PRRG4: variants seen among roughly 807,000 people sequenced by gnomAD.
PRRG4 encodes the protein proline rich and Gla domain 4.
In PRRG4, 12 loss-of-function variants were observed where a neutral mutation model predicts 20.0. That is an observed-to-expected ratio of 0.60 (90% CI 0.38 to 0.97). The LOEUF is 0.97. PRRG4 is among the 50% of genes least tolerant of loss of function. The pLI is 0.00. For missense variants in PRRG4, 199 were observed against 265.1 expected (o/e 0.75, Z 1.73); for synonymous variants, 94 against 96.4 (o/e 0.98, Z 0.15).
chr11:32,855,060 G>A lies in PRRG4; in HGVS notation c.*1533G>A, dbSNP rs1184921698. Reference sequence around the variant, plus strand: ...TTCATAAGTAATAGTTTGAGAATGTGGAAAAAGTAATTTGCTTTTCTGCTC... The same window carrying A: ...TTCATAAGTAATAGTTTGAGAATGTAGAAAAAGTAATTTGCTTTTCTGCTC... On this transcript the variant is annotated 3_prime_UTR_variant, in exon 6 of 6. Transcript: ENST00000257836. The A allele has an allele frequency of 2.0e-5, 3 of 152,190 alleles. No homozygotes were observed. The East Asian group carries it at 5.8e-4, about 29-fold the overall frequency. The allele number at this position is 152,190 out of a possible 1,614,324, so 9.4% of individuals were successfully genotyped here.
intron 4 of PRRG4, among the ~76,000 whole-genome samples, chr11:32,839,400 G>A (rs1269562903): frequency 2.0e-5 from 3 of 151,378 alleles, no homozygotes; most frequent in South Asian, 4.2e-4. Flanking sequence ...TGTTTTTTTC[G>A]CCAGCTATTC....
intron 5 of PRRG4, among the ~76,000 whole-genome samples, chr11:32,850,842 G>T (rs940384772): frequency 2.6e-5 from 4 of 152,194 alleles, no homozygotes; most frequent in Non-Finnish European, 2.9e-5. Flanking sequence ...GGCCGAAACA[G>T]GTGGATCACC....
intron 5 of PRRG4, among the ~76,000 whole-genome samples, chr11:32,851,247 T>C (rs1851180614): frequency 1.3e-5 from 2 of 152,228 alleles, no homozygotes. Flanking sequence ...AAGCACTGTG[T>C]AGATATTTAA....
In PRRG4 at chr11:32,855,230, G is replaced by A. The variant is rs1002925076; in HGVS notation, c.*1703G>A. On this transcript the variant is annotated 3_prime_UTR_variant, in exon 6 of 6. Transcript: ENST00000257836. Reference sequence around the variant, plus strand: ...GTATAACCAGTTTTTCCTTAAGAATGTAGCAGCATATAAGCTATAAATTTC... The same window carrying A: ...GTATAACCAGTTTTTCCTTAAGAATATAGCAGCATATAAGCTATAAATTTC... 1 of 152,104 alleles carries A rather than the reference G, an allele frequency of 6.6e-6. No individual in the cohort carries two copies. The highest frequency in any genetic ancestry group is 1.5e-5 in the Non-Finnish European group (1 of 68,012). 9.4% of individuals were successfully genotyped at this position (152,104 alleles called of 1,614,324 possible).
At chr11:32,839,822 T>C (rs967043947) in intron 4 of PRRG4, among the ~76,000 whole-genome samples, 7 of 146,712 alleles carry the variant, frequency 4.8e-5, no homozygotes, top group Admixed American at 3.4e-4. Context: ...TTTTAAATAT[T>C]ATTAAAATAT....
upstream of PRRG4, chr11:32,829,868 C>T: frequency 1.0e-6 from 1 of 985,572 alleles, no homozygotes; most frequent in Non-Finnish European, 1.2e-6. Context: ...CGCAGGTAGG[C>T]CCGGCCCCCG....
At chr11:32,847,685 ATACTTGTACACCAATGTCCATAG>A (rs1851143640) in intron 5 of PRRG4, among the ~76,000 whole-genome samples, 1 of 152,230 alleles carries the variant, frequency 6.6e-6, no homozygotes, top group Non-Finnish European at 1.5e-5. Context: ...ACTCAAACAG[ATACTTGTACACCAATGTCCATAG>A]TAGCATTATT....
At chr11:32,847,777 A>G (rs1334095328) in intron 5 of PRRG4, among the ~76,000 whole-genome samples, 2 of 152,220 alleles carry the variant, frequency 1.3e-5, no homozygotes, top group African/African-American at 4.8e-5. Flanking sequence ...TGGTATATCC[A>G]TGCAATGAAA....
intron 5 of PRRG4, among the ~76,000 whole-genome samples, chr11:32,847,695 A>C (rs1046039993): frequency 2.0e-5 from 3 of 152,244 alleles, no homozygotes; most frequent in African/African-American, 7.2e-5. Flanking sequence ...ATACTTGTAC[A>C]CCAATGTCCA....
In PRRG4 at chr11:32,832,479, C is replaced by CTTTTTCTTT. The variant is rs761893280; in HGVS notation, c.103+1852_103+1853insCTTTTTTTT. On this transcript the variant is annotated intron_variant, in intron 2 of 5. Transcript: ENST00000257836. ...GAAATAAAGGACCTTTGGTGAAATT[C>CTTTTTCTTT]TTTTTTTTTTTTTTTTTTTCAGACA... Among the ~76,000 whole-genome samples, 399 of 121,236 alleles carry CTTTTTCTTT rather than the reference C, an allele frequency of 3.3e-3. 3 individuals carry two copies. Among genetic ancestry groups the CTTTTTCTTT allele is most frequent in the Non-Finnish European group, 4.9e-3 (301 of 61,138 alleles). 79.5% of individuals were successfully genotyped at this position (121,236 alleles called of 152,430 possible).
chr11:32,835,658 C>T (rs1269032105), intron 2 of PRRG4, among the ~76,000 whole-genome samples: 1 of 152,060 alleles, frequency 6.6e-6, no homozygotes, highest in Non-Finnish European at 1.5e-5. Flanking sequence ...TGGGGTGTAC[C>T]GTAGAGGGAG....
rs1485454836 is a variant in PRRG4, at chr11:32,857,528, A to G, written c.*4001A>G. On this transcript the variant is annotated 3_prime_UTR_variant, in exon 6 of 6. Coordinates refer to ENST00000257836, the MANE Select transcript of PRRG4 (RefSeq NM_024081.6). The stretch of plus-strand genomic sequence containing the variant: ...CAGAACAATTAAAACCTGCAGAGCA[A>G]CAGTGTCCTCCATGTCTTAGGTTTC... 1 of 152,254 alleles carries G rather than the reference A, an allele frequency of 6.6e-6. No homozygotes were observed. Among genetic ancestry groups the G allele is most frequent in the Admixed American group, 6.5e-5 (1 of 15,284 alleles). 9.4% of individuals were successfully genotyped at this position (152,254 alleles called of 1,614,324 possible). A position where few individuals can be genotyped will look rare whatever the true frequency, so the allele number is the denominator to read the frequency against.
chr11:32,830,496 TGTTTGTTTTA>T lies in PRRG4; in HGVS notation c.-22-3_-16del. ...GCCTTTTTTTTTTAATATTTTTTTT[TGTTTGTTTTA>T]GTTTGTTTGACAGTTGCCAGACTAT... On this transcript the variant is annotated splice_acceptor_variant and splice_polypyrimidine_tract_variant and intron_variant, in intron 1 of 5. Coordinates refer to ENST00000257836, the MANE Select transcript of PRRG4 (RefSeq NM_024081.6). LOFTEE classifies it low-confidence loss of function (5UTR_SPLICE). 1 of 1,476,268 alleles carries T rather than the reference TGTTTGTTTTA, an allele frequency of 6.8e-7. No homozygotes were observed. The allele number at this position is 1,476,268 out of a possible 1,614,324, so 91.4% of individuals were successfully genotyped here.
At chr11:32,829,840 C>G (rs948585268), upstream of PRRG4, 2 of 985,320 alleles carry the variant, frequency 2.0e-6, no homozygotes, top group African/African-American at 3.5e-5. Context: ...GACGCCGGCC[C>G]ACTGCCCGCC....
chr11:32,830,161 C>CG lies in PRRG4; in HGVS notation c.-29dup, dbSNP rs1271335777. On this transcript the variant is annotated 5_prime_UTR_variant, in exon 1 of 6. The change abolishes the stop of an existing upstream ORF in the 5' untranslated region. Coordinates refer to ENST00000257836, the MANE Select transcript of PRRG4 (RefSeq NM_024081.6). ...GGCCCGGGGGCTGCTGGAACATGTG[C>CG]GGGGGGACACAGGTACGAGGCCTGG... 8.8e-6 allele frequency: 9 copies of CG among 1,021,458 alleles called. No individual in the cohort carries two copies. Among genetic ancestry groups the CG allele is most frequent in the Non-Finnish European group, 1.1e-5 (9 of 854,360 alleles). The allele number at this position is 1,021,458 out of a possible 1,614,324, so 63.3% of individuals were successfully genotyped here.
At position 32,837,570 on chromosome 11, in the gene PRRG4, T is replaced by G. The variant is rs1851036021; in HGVS notation, c.267+749T>G. On this transcript the variant is annotated intron_variant, in intron 3 of 5. Transcript: ENST00000257836. ...ATTATTATTATTATTATTATTATTA[T>G]TATTATTATTATCTGGAGACGGAGT... 2.1e-5 allele frequency among the ~76,000 whole-genome samples: 3 copies of G among 145,828 alleles called. No individual in the cohort carries two copies. In the South Asian group the frequency reaches 6.4e-4, roughly 31 times the overall value.
intron 5 of PRRG4, among the ~76,000 whole-genome samples, chr11:32,851,570 A>G (rs1172895408): frequency 1.3e-5 from 2 of 152,140 alleles, no homozygotes; most frequent in Non-Finnish European, 2.9e-5. Flanking sequence ...TCTTTCTCGC[A>G]ATTTTTCTCT....
At chr11:32,837,905 CTTTCT>C (rs1188501164) in intron 3 of PRRG4, among the ~76,000 whole-genome samples, 1 of 151,958 alleles carries the variant, frequency 6.6e-6, no homozygotes, top group Non-Finnish European at 1.5e-5. Flanking sequence ...TCCTTTTTCC[CTTTCT>C]TAAGAGTCCT....
At chr11:32,842,220 T>G (rs1851085790) in intron 5 of PRRG4, among the ~76,000 whole-genome samples, 1 of 152,172 alleles carries the variant, frequency 6.6e-6, no homozygotes, top group Admixed American at 6.5e-5. Flanking sequence ...AGGCAAAAAT[T>G]CTCATGTTAA....
Sources: gnomAD v4.1 joint callset for allele counts (sites outside exome capture counted in the v4.1 genomes callset) on GRCh38, gnomAD v4.1.1 for gene constraint, MANE v1.5 for transcripts, NCBI Gene and HGNC (gene_info 2026-07-23, HGNC 2026-07-21) for gene names.